Variants in LYRM4 observed in about 807,000 individuals in gnomAD.
LYRM4 encodes LYR motif-containing protein 4.
In LYRM4, 9 loss-of-function variants were observed where a neutral mutation model predicts 11.7. The observed-to-expected ratio is 0.77, with a 90% CI of 0.46 to 1.34. The LOEUF is 1.34. LYRM4 is among the 40% of genes most tolerant of loss of function. The probability of loss-of-function intolerance (pLI) is 0.00; values close to 1 mark genes in which losing one functional copy is unlikely to be tolerated. For missense variants in LYRM4, 133 were observed against 112.5 expected (o/e 1.18, Z -0.82); for synonymous variants, 42 against 40.4 (o/e 1.04, Z -0.15).
intron 1 of LYRM4, among the ~76,000 whole-genome samples, chr6:5,250,391 C>A (rs892943690): frequency 6.6e-6 from 1 of 152,130 alleles, no homozygotes; most frequent in African/African-American, 2.4e-5. Context: ...TTATTTTTCA[C>A]CCCAAAACCT....
At chr6:5,194,548 G>C (rs1006530073) in intron 2 of LYRM4, among the ~76,000 whole-genome samples, 1 of 152,142 alleles carries the variant, frequency 6.6e-6, no homozygotes, top group Admixed American at 6.5e-5. Flanking sequence ...CTACCTCATG[G>C]GCTAGTAGGA....
chr6:5,057,330 T>TC, the LYRM4 span, among the ~76,000 whole-genome samples: 12 of 151,974 alleles, frequency 7.9e-5, no homozygotes, highest in Admixed American at 7.9e-4. Context: ...TCTTCTTCCT[T>TC]CCCTCTCCTC....
chr6:5,053,710 T>C, the LYRM4 span, among the ~76,000 whole-genome samples: 2 of 152,154 alleles, frequency 1.3e-5, no homozygotes, highest in Admixed American at 6.6e-5. Context: ...ATTTCTAGTA[T>C]TTTTGTATTG....
intron 2 of LYRM4, among the ~76,000 whole-genome samples, chr6:5,192,794 G>A (rs373901656): frequency 2.6e-5 from 4 of 152,384 alleles, no homozygotes; most frequent in Non-Finnish European, 4.4e-5. Flanking sequence ...GGGAGGCCGA[G>A]GCGGGCGGAT....
intron 2 of LYRM4, among the ~76,000 whole-genome samples, chr6:5,112,657 T>C (rs1054297543): frequency 2.6e-5 from 4 of 152,156 alleles, no homozygotes; most frequent in Non-Finnish European, 5.9e-5. Flanking sequence ...AAGGGAAAAC[T>C]GACAAGAACT....
At chr6:5,085,492 C>T in the LYRM4 span, 3 of 1,534,784 alleles carry the variant, frequency 2.0e-6, no homozygotes, top group East Asian at 2.5e-5. Flanking sequence ...CGTCATGGAG[C>T]CCATAGGGGC....
intron 2 of LYRM4, among the ~76,000 whole-genome samples, chr6:5,167,491 G>A (rs1456367030): frequency 1.3e-5 from 2 of 151,922 alleles, no homozygotes; most frequent in South Asian, 2.1e-4. Context: ...TTTTCAATTC[G>A]TTTCATCTTA....
chr6:5,188,708 A>C (rs1760568863), intron 2 of LYRM4, among the ~76,000 whole-genome samples: 1 of 152,158 alleles, frequency 6.6e-6, no homozygotes, highest in Non-Finnish European at 1.5e-5. Flanking sequence ...CAGTGCATTA[A>C]ACATTTTGTG....
chr6:5,094,258 G>A, the LYRM4 span, among the ~76,000 whole-genome samples: 1 of 152,174 alleles, frequency 6.6e-6, no homozygotes, highest in Non-Finnish European at 1.5e-5. Context: ...GAGGCAGGAG[G>A]TTCATTTGAG....
intron 1 of LYRM4, among the ~76,000 whole-genome samples, chr6:5,217,238 T>C (rs1015507786): frequency 2.6e-5 from 4 of 152,214 alleles, no homozygotes; most frequent in African/African-American, 9.7e-5. Context: ...CCAGTCCTTG[T>C]CCCATATTCT....
the LYRM4 span, chr6:5,086,704 T>G: frequency 1.4e-6 from 1 of 704,944 alleles, no homozygotes; most frequent in East Asian, 2.7e-5. Context: ...GGAGGGAGAC[T>G]TTGAACCGTC....
At chr6:5,148,616 A>G (rs1398921485) in intron 2 of LYRM4, among the ~76,000 whole-genome samples, 1 of 151,842 alleles carries the variant, frequency 6.6e-6, no homozygotes, top group Non-Finnish European at 1.5e-5. Context: ...TTTTTTAATG[A>G]AAGAATTCAT....
At chr6:5,095,786 C>T in the LYRM4 span, among the ~76,000 whole-genome samples, 1 of 151,884 alleles carries the variant, frequency 6.6e-6, no homozygotes, top group Non-Finnish European at 1.5e-5. Flanking sequence ...TCGAAGCCAG[C>T]CTGGCCAACA....
the LYRM4 span, among the ~76,000 whole-genome samples, chr6:5,076,942 T>C: frequency 1.3e-5 from 2 of 152,208 alleles, no homozygotes; most frequent in Admixed American, 6.5e-5. Flanking sequence ...GATACAATAA[T>C]GTCCAGGGAA....
At chr6:5,118,094 A>ATATATATATATATATATATTTTTT in intron 2 of LYRM4, among the ~76,000 whole-genome samples, 5 of 86,126 alleles carry the variant, frequency 5.8e-5, no homozygotes, top group East Asian at 6.2e-4. Flanking sequence ...ATATATATAT[A>ATATATATATATATATATATTTTTT]TTTTTGTTTT....
intron 1 of LYRM4, among the ~76,000 whole-genome samples, chr6:5,226,101 T>C (rs373796522): frequency 2.6e-5 from 4 of 152,252 alleles, no homozygotes; most frequent in South Asian, 4.1e-4. Context: ...CATTTGGCTA[T>C]GTTTATGGTG....
At chr6:5,045,068 G>T in the LYRM4 span, among the ~76,000 whole-genome samples, 1 of 152,176 alleles carries the variant, frequency 6.6e-6, no homozygotes, top group Non-Finnish European at 1.5e-5. Context: ...CTGTAATCGT[G>T]ACTCAACATC....
At chr6:5,086,502 G>T in the LYRM4 span, 5 of 1,535,654 alleles carry the variant, frequency 3.3e-6, no homozygotes, top group Non-Finnish European at 4.4e-6. Context: ...GCGAGTACTG[G>T]GACAACAACG....
chr6:5,168,482 C>T (rs990349248), intron 2 of LYRM4, among the ~76,000 whole-genome samples: 4 of 152,140 alleles, frequency 2.6e-5, no homozygotes, highest in Non-Finnish European at 5.9e-5. Context: ...AGCATGACGA[C>T]AATGAGACAC....
Sources: allele counts gnomAD v4.1 joint callset (sites outside exome capture counted in the v4.1 genomes callset), GRCh38; gene constraint gnomAD v4.1.1; transcripts MANE v1.5; gene names NCBI Gene and HGNC (gene_info 2026-07-23, HGNC 2026-07-21).